Variants in CALN1 observed in about 807,000 individuals in gnomAD.
CALN1 encodes calcium-binding protein 8.
In CALN1, 17 loss-of-function variants were observed where a neutral mutation model predicts 30.6. The ratio of observed to expected loss-of-function variants is 0.56; its 90% CI spans 0.38 to 0.83. The LOEUF (loss-of-function observed/expected upper bound fraction) is 0.83, where lower values mean the gene tolerates loss of function less well. CALN1 is among the 40% of genes least tolerant of loss of function. The pLI is 0.00. For synonymous variants in CALN1, 156 were observed against 131.4 expected (o/e 1.19, Z -1.28); for missense variants, 291 against 354.9 (o/e 0.82, Z 1.45).
chr7:72,467,771 C>G, the CALN1 span, among the ~76,000 whole-genome samples: 1 of 152,172 alleles, frequency 6.6e-6, no homozygotes, highest in Non-Finnish European at 1.5e-5. Flanking sequence ...AATTGACCAT[C>G]TTAAAGTGAA....
At chr7:72,294,924 A>T (rs370192573) in intron 2 of CALN1, among the ~76,000 whole-genome samples, 1 of 152,210 alleles carries the variant, frequency 6.6e-6, no homozygotes, top group Admixed American at 6.6e-5. Context: ...TGCATTTCTG[A>T]GTGTGTGTGT....
intron 2 of CALN1, among the ~76,000 whole-genome samples, chr7:72,280,864 T>A (rs1182335725): frequency 6.6e-6 from 1 of 152,076 alleles, no homozygotes; most frequent in East Asian, 1.9e-4. Flanking sequence ...TGAGTTCAGT[T>A]GGGTGCGGTG....
chr7:72,150,044 A>C (rs1787104416), intron 3 of CALN1, among the ~76,000 whole-genome samples: 1 of 151,726 alleles, frequency 6.6e-6, no homozygotes, highest in African/African-American at 2.4e-5. Flanking sequence ...GAATCAGTTG[A>C]ACCCAGGAGG....
the CALN1 span, among the ~76,000 whole-genome samples, chr7:72,455,264 T>C: frequency 6.6e-6 from 1 of 151,636 alleles, no homozygotes; most frequent in Non-Finnish European, 1.5e-5. Context: ...ATCACACCAC[T>C]GTGCTCCAGC....
chr7:71,955,045 G>A (rs1043536155), intron 5 of CALN1, among the ~76,000 whole-genome samples: 16 of 152,122 alleles, frequency 1.1e-4, no homozygotes, highest in African/African-American at 3.6e-4. Flanking sequence ...CCCAAGTCTG[G>A]GTAATTTGTA....
chr7:72,363,132 T>G (rs1803664246), intron 2 of CALN1, among the ~76,000 whole-genome samples: 2 of 152,216 alleles, frequency 1.3e-5, no homozygotes, highest in African/African-American at 4.8e-5. Flanking sequence ...ATCACCCAGG[T>G]ATTAAAAATA....
At chr7:72,331,866 C>G (rs1801701386) in intron 2 of CALN1, among the ~76,000 whole-genome samples, 1 of 137,358 alleles carries the variant, frequency 7.3e-6, no homozygotes, top group Admixed American at 7.4e-5. Flanking sequence ...ACCCTCCACC[C>G]TCTAACAGGC....
chr7:72,160,559 A>G (rs1446865777), intron 3 of CALN1, among the ~76,000 whole-genome samples: 1 of 152,162 alleles, frequency 6.6e-6, no homozygotes, highest in Non-Finnish European at 1.5e-5. Flanking sequence ...GATTACAGGC[A>G]TGAGCTACCA....
At chr7:72,240,839 C>A (rs1023797210) in intron 3 of CALN1, among the ~76,000 whole-genome samples, 1 of 152,192 alleles carries the variant, frequency 6.6e-6, no homozygotes, top group African/African-American at 2.4e-5. Flanking sequence ...CTATACAAAT[C>A]AGAGTGTATC....
rs565986738 is a variant in CALN1, at chr7:72,169,686, T to A, written c.245-63392A>T. On this transcript the variant is annotated intron_variant, in intron 3 of 6. Transcript: ENST00000395275. ...AATTTTTTTTGTTATTTTCTTTTTC[T>A]TTTTTCCTTTTCTTTTCCCCCAAGA... 3.9e-5 allele frequency among the ~76,000 whole-genome samples: 6 copies of A among 152,060 alleles called. No individual in the cohort carries two copies. The South Asian group carries it at 1.2e-3, about 32-fold the overall frequency.
intron 1 of CALN1, among the ~76,000 whole-genome samples, chr7:72,445,442 C>T (rs1270304798): frequency 6.6e-6 from 1 of 152,144 alleles, no homozygotes; most frequent in Non-Finnish European, 1.5e-5. Context: ...TTAAAAATGA[C>T]CTCAAACCTC....
At chr7:72,415,896 G>C (rs1807406371), upstream of CALN1, among the ~76,000 whole-genome samples, 1 of 152,204 alleles carries the variant, frequency 6.6e-6, no homozygotes, top group African/African-American at 2.4e-5. Context: ...CCAGGTGCCT[G>C]AGTCTGATCT....
chr7:72,478,685 G>A, the CALN1 span, among the ~76,000 whole-genome samples: 81 of 152,054 alleles, frequency 5.3e-4, no homozygotes, highest in African/African-American at 1.8e-3. Flanking sequence ...CTGCCTCCAT[G>A]TCCTGACACT....
chr7:72,452,695 T>C, the CALN1 span, among the ~76,000 whole-genome samples: 1 of 152,162 alleles, frequency 6.6e-6, no homozygotes, highest in African/African-American at 2.4e-5. Flanking sequence ...ACAGACTAAT[T>C]CAGGGAGCTT....
At chr7:72,401,046 G>T (rs544793650) in intron 2 of CALN1, among the ~76,000 whole-genome samples, 2 of 152,168 alleles carry the variant, frequency 1.3e-5, no homozygotes, top group African/African-American at 2.4e-5. Context: ...GCTTTGGGGT[G>T]AGAGGAGGGC....
intron 3 of CALN1, among the ~76,000 whole-genome samples, chr7:72,121,215 T>C (rs1308260706): frequency 6.9e-6 from 1 of 144,062 alleles, no homozygotes; most frequent in Non-Finnish European, 1.5e-5. Flanking sequence ...TTCCATATTA[T>C]GTATTATATA....
At chr7:72,145,328 G>A (rs1000763857) in intron 3 of CALN1, among the ~76,000 whole-genome samples, 1 of 152,140 alleles carries the variant, frequency 6.6e-6, no homozygotes, top group Non-Finnish European at 1.5e-5. Flanking sequence ...TACCATCAGA[G>A]AATACTATAA....
At chr7:72,109,935 C>T (rs1807444555) in intron 3 of CALN1, among the ~76,000 whole-genome samples, 1 of 152,126 alleles carries the variant, frequency 6.6e-6, no homozygotes, top group Admixed American at 6.5e-5. Flanking sequence ...TACACTGGGG[C>T]CAGGACATAC....
At chr7:72,077,818 A>G (rs1333190489) in intron 4 of CALN1, among the ~76,000 whole-genome samples, 1 of 152,172 alleles carries the variant, frequency 6.6e-6, no homozygotes, top group Non-Finnish European at 1.5e-5. Flanking sequence ...CAAAGCCATC[A>G]CTTTGCAGAC....
Sources: allele counts gnomAD v4.1 joint callset (sites outside exome capture counted in the v4.1 genomes callset), GRCh38; gene constraint gnomAD v4.1.1; transcripts MANE v1.5; gene names NCBI Gene and HGNC (gene_info 2026-07-23, HGNC 2026-07-21).